TMEM222: variants seen among roughly 807,000 people sequenced by gnomAD.
TMEM222 encodes chromosome 1 open reading frame 160.
A neutral mutation model predicts 25.1 loss-of-function variants in TMEM222; 18 were observed. The observed-to-expected ratio is 0.72, with a 90% CI of 0.50 to 1.06. The LOEUF is 1.06. TMEM222 is among the 50% of genes least tolerant of loss of function. The probability of loss-of-function intolerance (pLI) is 0.00; values close to 1 mark genes in which losing one functional copy is unlikely to be tolerated. For synonymous variants in TMEM222, 131 were observed against 117.9 expected, an observed-to-expected ratio of 1.11 and a Z score of -0.72; for missense variants, 296 against 293.7, an observed-to-expected ratio of 1.01 and a Z score of -0.06.
chr1:27,333,474 C>T (rs6687283), intron 3 of TMEM222: 458,510 of 464,970 alleles, frequency 0.99, 226,346 homozygotes, highest in East Asian at 1. Context: ...CTCACAGTTC[C>T]GAAGACTGGA....
intron 1 of TMEM222, among the ~76,000 whole-genome samples, chr1:27,329,438 CT>C (rs2014428605): frequency 6.6e-6 from 1 of 152,116 alleles, no homozygotes; most frequent in South Asian, 2.1e-4. Flanking sequence ...TCAGTCTTGC[CT>C]TTTCTTGGAC....
rs370135283 is a variant in TMEM222, at chr1:27,335,355, T to C, written c.540-24T>C. 5 of 1,613,086 alleles carry C rather than the reference T, an allele frequency of 3.1e-6. No individual in the cohort carries two copies. The African/African-American group carries it at 5.3e-5, about 17-fold the overall frequency. On this transcript the variant is annotated intron_variant, in intron 5 of 5. Coordinates refer to ENST00000374076, the MANE Select transcript of TMEM222 (RefSeq NM_032125.3). ...CTGCTCACCAGGCCCTGCCCACCTA[T>C]GCTCGCTCCTTTCTCTCTGTCAGCG...
In TMEM222 at chr1:27,335,759, C is replaced by T; in HGVS notation, c.*293C>T. 1 of 448,886 alleles carries T rather than the reference C, an allele frequency of 2.2e-6. No individual in the cohort carries two copies. The highest frequency in any genetic ancestry group is 4.1e-6 in the Non-Finnish European group (1 of 242,786). The allele number at this position is 448,886 out of a possible 1,614,324, so 27.8% of individuals were successfully genotyped here. On this transcript the variant is annotated 3_prime_UTR_variant, in exon 6 of 6. Transcript: ENST00000374076. ...TTGGCTTCCCGCTGTAGAGCTGCTC[C>T]CGCCACCACCTGCTGGGGTCCTGCC...
intron 3 of TMEM222, chr1:27,332,787 C>T (rs1290745438): frequency 1.0e-5 from 5 of 491,472 alleles, no homozygotes; most frequent in East Asian, 3.7e-5. Flanking sequence ...TGGCTTCCTC[C>T]GGCAGGCAGC....
chr1:27,334,743 G>A, intron 5 of TMEM222: 1 of 1,255,328 alleles, frequency 8.0e-7, no homozygotes, highest in Non-Finnish European at 1.0e-6. Context: ...CCAGACTCGT[G>A]AGCCAGCATA....
In TMEM222 at chr1:27,331,144, G is replaced by C. The variant is rs149098248; in HGVS notation, c.279+340G>C. 3.4e-3 allele frequency: 3,912 copies of C among 1,161,594 alleles called. 7 individuals are homozygous for C. The highest frequency in any genetic ancestry group is 4.0e-3 in the Non-Finnish European group (3,688 of 928,950). The allele number at this position is 1,161,594 out of a possible 1,614,324, so 72.0% of individuals were successfully genotyped here. A position where few individuals can be genotyped will look rare whatever the true frequency, so the allele number is the denominator to read the frequency against. On this transcript the variant is annotated intron_variant, in intron 2 of 5. Transcript: ENST00000374076. ...ATCTCTGGACCTTCAGAAGGTGGGA[G>C]TCAAGGTGGGGGGACACGGGAGGCT... is the stretch of plus-strand genomic sequence containing the variant.
chr1:27,323,424 T>C (rs1473677582), intron 1 of TMEM222, among the ~76,000 whole-genome samples: 1 of 152,250 alleles, frequency 6.6e-6, no homozygotes, highest in Non-Finnish European at 1.5e-5. Flanking sequence ...GTTAAAATAC[T>C]TGAATTATTT....
chr1:27,334,325 C>T, intron 5 of TMEM222, 44 bp downstream of exon 5: 1 of 1,612,232 alleles, frequency 6.2e-7, no homozygotes, highest in South Asian at 1.1e-5. Context: ...TGCCCAGAGG[C>T]TGCTCTCCCA....
intron 4 of TMEM222, 21 bp downstream of exon 4, chr1:27,334,075 C>T: frequency 1.2e-6 from 2 of 1,614,072 alleles, no homozygotes; most frequent in East Asian, 2.2e-5. Context: ...CAGGGCGGCA[C>T]CGGCACTCCC....
intron 1 of TMEM222, among the ~76,000 whole-genome samples, chr1:27,329,829 C>T (rs947491049): frequency 2.0e-4 from 31 of 152,294 alleles, no homozygotes; most frequent in Admixed American, 1.2e-3. Context: ...AGGCCGGGTA[C>T]GGTGGCTCAC....
At chr1:27,332,820 G>A (rs2014512142) in intron 3 of TMEM222, 5 of 420,066 alleles carry the variant, frequency 1.2e-5, no homozygotes, top group Non-Finnish European at 2.2e-5. Context: ...GAGTCTCTGG[G>A]CCACCAGGTG....
intron 1 of TMEM222, among the ~76,000 whole-genome samples, chr1:27,324,708 C>T (rs1454877067): frequency 6.6e-6 from 1 of 152,160 alleles, no homozygotes; most frequent in African/African-American, 2.4e-5. Context: ...ATACAGGAAG[C>T]ATAGTGGCTT....
At position 27,332,071 on chromosome 1, in the gene TMEM222, A is replaced by C; in HGVS notation, c.281A>C (p.Glu94Ala). 1 of 1,614,260 alleles carries C rather than the reference A, an allele frequency of 6.2e-7. No individual in the cohort carries two copies. Among genetic ancestry groups the C allele is most frequent in the Non-Finnish European group, 8.5e-7 (1 of 1,180,048 alleles). The change falls in exon 3 of 6, where the codon GAG becomes GCG. Residue 94 changes from glutamate (E) to alanine (A), a missense_variant and splice_region_variant. By Grantham distance (107) the Glu-to-Ala change is moderately radical. Transcript: ENST00000374076. The part of the protein sequence containing the change: ...RDFAGPYFVS[E>A]DNMAFGKPAK... ...ACCTCTGCTTTTGTCCCTCAACAGG[A>C]GGACAACATGGCCTTTGGAAAGCCT...
chr1:27,335,082 G>A (rs2014572370), intron 5 of TMEM222: 3 of 478,948 alleles, frequency 6.3e-6, no homozygotes, highest in South Asian at 2.4e-5. Flanking sequence ...GGTGGCTATA[G>A]ATGGAGCCAG....
rs187257354 is a variant in TMEM222 at position 27,335,711 on chromosome 1, C to T, written c.*245C>T. The T allele has an allele frequency of 3.6e-6, 2 of 557,604 alleles. No homozygotes were observed. The highest frequency in any genetic ancestry group is 6.4e-6 in the Non-Finnish European group (2 of 310,382). The allele number at this position is 557,604 out of a possible 1,614,324, so 34.5% of individuals were successfully genotyped here. On this transcript the variant is annotated 3_prime_UTR_variant, in exon 6 of 6. Coordinates refer to ENST00000374076, the MANE Select transcript of TMEM222 (RefSeq NM_032125.3). ...CCTGTGACTCCGGCCCTGGAAGCCC[C>T]TTTGTTCTTCTGTTGAAAGGCTTTG...
chr1:27,325,354 C>A, intron 1 of TMEM222: 1 of 830,548 alleles, frequency 1.2e-6, no homozygotes, highest in Non-Finnish European at 2.1e-6. Context: ...CAGGAGATGG[C>A]CACTACCACA....
intron 3 of TMEM222, 66 bp downstream of exon 3, chr1:27,332,167 C>T: frequency 1.3e-6 from 2 of 1,588,362 alleles, no homozygotes; most frequent in South Asian, 2.2e-5. Context: ...CGGGCCAGGC[C>T]TTCTGGGGCA....
intron 3 of TMEM222, 49 bp from the exon 4 acceptor site, chr1:27,333,909 A>G: frequency 6.4e-7 from 1 of 1,562,722 alleles, no homozygotes; most frequent in Non-Finnish European, 8.8e-7. Context: ...CGTAGAGCTG[A>G]GGGCACAAAG....
At chr1:27,334,099 G>T (rs763096283) in intron 4 of TMEM222, 45 bp downstream of exon 4, 3 of 1,611,788 alleles carry the variant, frequency 1.9e-6, no homozygotes, top group Non-Finnish European at 1.7e-6. Context: ...GTGGGGACCA[G>T]GGGGGAGGCT....
Sources: allele counts gnomAD v4.1 joint callset (sites outside exome capture counted in the v4.1 genomes callset), GRCh38; gene constraint gnomAD v4.1.1; transcripts MANE v1.5; gene names NCBI Gene and HGNC (gene_info 2026-07-23, HGNC 2026-07-21).